Variants in FIP1L1 observed in about 807,000 individuals in gnomAD.
FIP1L1 encodes pre-mRNA 3'-end-processing factor FIP1.
Under a neutral mutation model 84.6 loss-of-function variants are expected in FIP1L1, and 21 were observed. The observed-to-expected ratio is 0.25, with a 90% CI of 0.18 to 0.36. The LOEUF (loss-of-function observed/expected upper bound fraction) is 0.36. Ranked by LOEUF, FIP1L1 falls within the 10% of genes least tolerant of loss-of-function variation. The pLI, the probability that FIP1L1 is intolerant of heterozygous loss-of-function variation, is 1.00. For synonymous variants in FIP1L1, 263 were observed against 242.3 expected, an observed-to-expected ratio of 1.09 and a Z score of -0.80; for missense variants, 526 against 751.1, an observed-to-expected ratio of 0.70 and a Z score of 3.50.
chr4:53,442,799 T>C, intron 14 of FIP1L1, 92 bp downstream of exon 14: 1 of 712,450 alleles, frequency 1.4e-6, no homozygotes, highest in Non-Finnish European at 2.4e-6. Context: ...TTTAATTTTA[T>C]AAACACAGCA....
chr4:53,420,492 A>T (rs963200947), intron 11 of FIP1L1, among the ~76,000 whole-genome samples: 2 of 149,358 alleles, frequency 1.3e-5, no homozygotes, highest in Admixed American at 1.3e-4. Context: ...CTCTTTCATC[A>T]TGGGCTTTAT....
At position 53,385,053 on chromosome 4, in the gene FIP1L1, A is replaced by G. The variant is rs1229151088; in HGVS notation, c.332+1177A>G. On this transcript the variant is annotated intron_variant, in intron 5 of 17. Coordinates refer to ENST00000337488, the MANE Select transcript of FIP1L1 (RefSeq NM_030917.4). The stretch of plus-strand genomic sequence containing the variant: ...AATTTTAAAATCCTAGCACCTTTTT[A>G]GGGAACAGAGTAAAGAGGCTGATTT... Among the ~76,000 whole-genome samples the G allele has an allele frequency of 2.0e-5, 3 of 152,162 alleles. No homozygotes were observed. The East Asian group carries it at 5.8e-4, about 29-fold the overall frequency.
chr4:53,399,129 G>T (rs1312999546), intron 9 of FIP1L1, among the ~76,000 whole-genome samples: 3 of 152,152 alleles, frequency 2.0e-5, no homozygotes, highest in African/African-American at 7.2e-5. Context: ...CTCCAGCCTG[G>T]GTGACAGAGT....
chr4:53,395,772 G>T (rs778639455), intron 9 of FIP1L1, among the ~76,000 whole-genome samples: 6 of 151,974 alleles, frequency 3.9e-5, no homozygotes, highest in Admixed American at 6.6e-5. Flanking sequence ...GTATATCTAC[G>T]TTAATTTTTC....
At chr4:53,436,420 A>G (rs892922018) in intron 13 of FIP1L1, among the ~76,000 whole-genome samples, 1 of 152,188 alleles carries the variant, frequency 6.6e-6, no homozygotes, top group African/African-American at 2.4e-5. Flanking sequence ...TCACTGGTGT[A>G]GGCGTCTTAA....
chr4:53,441,796 T>C (rs1479601240), intron 13 of FIP1L1, among the ~76,000 whole-genome samples: 2 of 151,898 alleles, frequency 1.3e-5, no homozygotes, highest in Non-Finnish European at 3.0e-5. Flanking sequence ...TAGGACAGTG[T>C]CTGAATTGTA....
intron 15 of FIP1L1, among the ~76,000 whole-genome samples, chr4:53,452,084 A>G (rs1560585622): frequency 1.3e-5 from 2 of 152,134 alleles, no homozygotes; most frequent in East Asian, 1.9e-4. Flanking sequence ...GGGTTTCACC[A>G]TCTTGGCCAG....
intron 10 of FIP1L1, among the ~76,000 whole-genome samples, chr4:53,406,788 T>C (rs1215993949): frequency 5.9e-5 from 9 of 152,282 alleles, no homozygotes; most frequent in Non-Finnish European, 1.0e-4. Flanking sequence ...TTTTCTAGTT[T>C]ATTTGCGTAG....
intron 10 of FIP1L1, among the ~76,000 whole-genome samples, chr4:53,400,887 A>G (rs1749875785): frequency 6.6e-6 from 1 of 152,198 alleles, no homozygotes; most frequent in South Asian, 2.1e-4. Flanking sequence ...TGTAATATGT[A>G]GTATTCTTTT....
In FIP1L1 at chr4:53,460,184, T is replaced by C; in HGVS notation, c.*735T>C. Reference sequence around the variant, plus strand: ...GGTCAAGCTGGTTTGGCCTTCTTGATGCATTTTCCAAGGCCCACTGGTGGA... The same window carrying C: ...GGTCAAGCTGGTTTGGCCTTCTTGACGCATTTTCCAAGGCCCACTGGTGGA... On this transcript the variant is annotated 3_prime_UTR_variant, in exon 18 of 18. Transcript: ENST00000337488. 5.1e-6 allele frequency: 1 copy of C among 197,252 alleles called. No homozygotes were observed. Among genetic ancestry groups the C allele is most frequent in the Non-Finnish European group, 1.1e-5 (1 of 95,092 alleles). 12.2% of individuals were successfully genotyped at this position (197,252 alleles called of 1,614,324 possible).
rs192294593 is a variant in FIP1L1 at position 53,420,412 on chromosome 4, A to G, written c.924-5460A>G. ...CCATTGCACTCCAACCTGGGCAACAAGAGTGAAACTCCATCTCAAAAAAAA... is the reference window on the plus strand; with the variant it reads ...CCATTGCACTCCAACCTGGGCAACAGGAGTGAAACTCCATCTCAAAAAAAA... On this transcript the variant is annotated intron_variant, in intron 11 of 17. Transcript: ENST00000337488. Among the ~76,000 whole-genome samples the G allele has an allele frequency of 8.4e-5, 12 of 142,256 alleles. No homozygotes were observed. The Admixed American group carries it at 8.8e-4, about 10-fold the overall frequency. 93.3% of individuals were successfully genotyped at this position (142,256 alleles called of 152,430 possible).
At chr4:53,402,828 A>T (rs977976233) in intron 10 of FIP1L1, among the ~76,000 whole-genome samples, 1 of 152,322 alleles carries the variant, frequency 6.6e-6, no homozygotes, top group African/African-American at 2.4e-5. Context: ...ATGAGATGTA[A>T]TATGAAGTAG....
At chr4:53,451,575 C>T (rs950006900) in intron 15 of FIP1L1, among the ~76,000 whole-genome samples, 22 of 139,480 alleles carry the variant, frequency 1.6e-4, no homozygotes, top group South Asian at 2.3e-4. Flanking sequence ...TATACATTTT[C>T]TTTTTTTTTT....
rs186659764 is a variant in FIP1L1 at position 53,447,507 on chromosome 4, C to T, written c.1285+3404C>T. 3.3e-5 allele frequency among the ~76,000 whole-genome samples: 5 copies of T among 152,186 alleles called. No homozygotes were observed. The East Asian group carries it at 7.7e-4, about 23-fold the overall frequency. The stretch of plus-strand genomic sequence containing the variant: ...ATTTTGTCCTGTAACAAAAATAATT[C>T]GTGGTCTGACAGATTTTTAAATCTA... On this transcript the variant is annotated intron_variant, in intron 15 of 17. Coordinates refer to ENST00000337488, the MANE Select transcript of FIP1L1 (RefSeq NM_030917.4).
At chr4:53,413,868 A>G (rs1295819727) in intron 10 of FIP1L1, among the ~76,000 whole-genome samples, 1 of 152,158 alleles carries the variant, frequency 6.6e-6, no homozygotes. Context: ...GTATATAGAA[A>G]CTTGTCACAT....
At chr4:53,438,411 T>G (rs1770432384) in intron 13 of FIP1L1, among the ~76,000 whole-genome samples, 1 of 152,236 alleles carries the variant, frequency 6.6e-6, no homozygotes, top group African/African-American at 2.4e-5. Context: ...ACGTATCAGT[T>G]TGAAAATACA....
At chr4:53,433,932 A>T (rs1767899306) in intron 13 of FIP1L1, among the ~76,000 whole-genome samples, 1 of 150,832 alleles carries the variant, frequency 6.6e-6, no homozygotes, top group African/African-American at 2.4e-5. Flanking sequence ...CGGGTTAGGG[A>T]TGATATATAG....
rs1256164991 is a variant in FIP1L1, at chr4:53,428,014, G to A, written c.1018-13G>A. On this transcript the variant is annotated splice_polypyrimidine_tract_variant and intron_variant, in intron 12 of 17. Transcript: ENST00000337488. ...TTTATGCATCTGTTTAATTAACTGT[G>A]CTCTAATTTTAGGTCCTTTCTGAAA... 1 of 1,588,698 alleles carries A rather than the reference G, an allele frequency of 6.3e-7. No homozygotes were observed. Among genetic ancestry groups the A allele is most frequent in the Non-Finnish European group, 8.6e-7 (1 of 1,162,566 alleles).
chr4:53,378,069 G>A, intron 1 of FIP1L1, 146 bp downstream of exon 1: 1 of 656,464 alleles, frequency 1.5e-6, no homozygotes, highest in Non-Finnish European at 2.4e-6. Flanking sequence ...CGAGCGCGGC[G>A]TGCGCGTGCC....
Sources: gnomAD v4.1 joint callset for allele counts (sites outside exome capture counted in the v4.1 genomes callset) on GRCh38, gnomAD v4.1.1 for gene constraint, MANE v1.5 for transcripts, NCBI Gene and HGNC (gene_info 2026-07-23, HGNC 2026-07-21) for gene names.